TMEM181: variants seen among roughly 807,000 people sequenced by gnomAD.
TMEM181 encodes G protein-coupled receptor 178.
Under a neutral mutation model 71.9 loss-of-function variants are expected in TMEM181, and 39 were observed. The ratio of observed to expected loss-of-function variants is 0.54; its 90% CI spans 0.42 to 0.71. The LOEUF (loss-of-function observed/expected upper bound fraction) is 0.71, where lower values mean the gene tolerates loss of function less well. Ranked by LOEUF, TMEM181 falls within the 30% of genes least tolerant of loss-of-function variation. TMEM181 has a pLI of 0.00. For missense variants in TMEM181, 595 were observed against 583.0 expected, an observed-to-expected ratio of 1.02 and a Z score of -0.21; for synonymous variants, 245 against 228.8, an observed-to-expected ratio of 1.07 and a Z score of -0.64.
At chr6:158,539,738 A>G (rs1203801440) in intron 1 of TMEM181, among the ~76,000 whole-genome samples, 2 of 152,258 alleles carry the variant, frequency 1.3e-5, no homozygotes, top group African/African-American at 4.8e-5. Flanking sequence ...ATGAGAGGTG[A>G]CAGTTGTACT....
intron 1 of TMEM181, among the ~76,000 whole-genome samples, chr6:158,541,829 A>T (rs1191730922): frequency 4.7e-5 from 7 of 150,120 alleles, no homozygotes; most frequent in Non-Finnish European, 7.4e-5. Context: ...TTGACTGACA[A>T]CTCTGTCTTT....
At chr6:158,561,970 C>G (rs933093244) in intron 1 of TMEM181, among the ~76,000 whole-genome samples, 3 of 152,180 alleles carry the variant, frequency 2.0e-5, no homozygotes, top group African/African-American at 7.2e-5. Flanking sequence ...ACTGAGTGTT[C>G]TCTGTCCTTG....
intron 6 of TMEM181, among the ~76,000 whole-genome samples, chr6:158,597,949 C>A (rs925958716): frequency 5.3e-5 from 8 of 152,220 alleles, no homozygotes; most frequent in Non-Finnish European, 8.8e-5. Context: ...CAGATTCCAA[C>A]TGTAGCAAGT....
At chr6:158,623,445 G>A in intron 10 of TMEM181, 105 bp from the exon 11 acceptor site, 1 of 695,412 alleles carries the variant, frequency 1.4e-6, no homozygotes, top group Non-Finnish European at 2.3e-6. Context: ...GTAGGAAGTA[G>A]TTTATATTAA....
At chr6:158,590,542 C>T (rs1784048743) in intron 6 of TMEM181, among the ~76,000 whole-genome samples, 1 of 152,182 alleles carries the variant, frequency 6.6e-6, no homozygotes, top group Non-Finnish European at 1.5e-5. Flanking sequence ...CGGCTCACTG[C>T]AACCTCCGCC....
chr6:158,596,111 A>G (rs1371198273), intron 6 of TMEM181, among the ~76,000 whole-genome samples: 1 of 151,996 alleles, frequency 6.6e-6, no homozygotes, highest in Non-Finnish European at 1.5e-5. Context: ...TTGTAGAGAC[A>G]GGGTTTCACT....
intron 1 of TMEM181, among the ~76,000 whole-genome samples, chr6:158,571,870 G>A (rs1163402240): frequency 6.6e-6 from 1 of 152,202 alleles, no homozygotes; most frequent in Non-Finnish European, 1.5e-5. Context: ...TGAATTGAAG[G>A]TGTTGAGTTT....
chr6:158,559,981 G>C, upstream of TMEM181: 2 of 911,446 alleles, frequency 2.2e-6, no homozygotes, highest in Non-Finnish European at 2.6e-6. Context: ...GGGCCACGAA[G>C]GAGGGCCACC....
chr6:158,577,842 G>A (rs1240938050), intron 2 of TMEM181, among the ~76,000 whole-genome samples: 6 of 152,212 alleles, frequency 3.9e-5, no homozygotes, highest in Non-Finnish European at 5.9e-5. Flanking sequence ...TGTAATCCCA[G>A]TACTTTGGGA....
At chr6:158,555,350 T>C (rs1192567992), upstream of TMEM181, among the ~76,000 whole-genome samples, 1 of 152,238 alleles carries the variant, frequency 6.6e-6, no homozygotes. Flanking sequence ...TAACTTCCAT[T>C]ACCCCAAACA....
chr6:158,562,001 A>G (rs1466601550), intron 1 of TMEM181, among the ~76,000 whole-genome samples: 1 of 152,184 alleles, frequency 6.6e-6, no homozygotes, highest in African/African-American at 2.4e-5. Flanking sequence ...CTGAGAGCCC[A>G]GAGGTGAGAA....
At chr6:158,619,852 A>G (rs1480920153) in intron 10 of TMEM181, among the ~76,000 whole-genome samples, 1 of 139,746 alleles carries the variant, frequency 7.2e-6, no homozygotes, top group Non-Finnish European at 1.5e-5. Context: ...CTGGCGACAC[A>G]GCGAGACTCC....
chr6:158,585,460 C>A, intron 5 of TMEM181, 35 bp downstream of exon 5: 1 of 1,519,878 alleles, frequency 6.6e-7, no homozygotes, highest in Non-Finnish European at 8.8e-7. Context: ...AGTCAGTCCT[C>A]AGGCTGTGTA....
chr6:158,576,876 C>G (rs901430911), intron 2 of TMEM181, among the ~76,000 whole-genome samples: 2 of 151,954 alleles, frequency 1.3e-5, no homozygotes, highest in Admixed American at 1.3e-4. Context: ...TCCTGGCTAA[C>G]ATGGTGAAAC....
intron 10 of TMEM181, among the ~76,000 whole-genome samples, chr6:158,622,604 C>T (rs1174130074): frequency 1.3e-5 from 2 of 152,192 alleles, no homozygotes; most frequent in African/African-American, 4.8e-5. Context: ...ATGCTTTTTT[C>T]TGGAATGTCC....
At chr6:158,611,759 C>A (rs758537623) in intron 10 of TMEM181, 2 of 228,912 alleles carry the variant, frequency 8.7e-6, no homozygotes, top group Non-Finnish European at 1.7e-5. Context: ...AGCGGCTCAA[C>A]AGTCAAAGAC....
intron 1 of TMEM181, among the ~76,000 whole-genome samples, chr6:158,548,872 C>G (rs544637023): frequency 6.6e-6 from 1 of 152,208 alleles, no homozygotes; most frequent in Non-Finnish European, 1.5e-5. Context: ...GGGACTGATA[C>G]TTAAAAACCA....
At chr6:158,612,338 C>T (rs555738765) in intron 10 of TMEM181, among the ~76,000 whole-genome samples, 4 of 152,296 alleles carry the variant, frequency 2.6e-5, no homozygotes, top group African/African-American at 7.2e-5. Context: ...CCAGGGGCGA[C>T]GTGTTCTTTC....
At chr6:158,630,200 A>G (rs1786581534) in intron 15 of TMEM181, among the ~76,000 whole-genome samples, 1 of 152,196 alleles carries the variant, frequency 6.6e-6, no homozygotes, top group African/African-American at 2.4e-5. Flanking sequence ...CAAATTCATG[A>G]GAGAGTCACC....
Sources: gnomAD v4.1 joint callset for allele counts (sites outside exome capture counted in the v4.1 genomes callset) on GRCh38, gnomAD v4.1.1 for gene constraint, MANE v1.5 for transcripts, NCBI Gene and HGNC (gene_info 2026-07-23, HGNC 2026-07-21) for gene names.